The following VPS35L variants were observed in gnomAD, a reference collection of about 807,000 sequenced individuals.
The protein encoded by VPS35L is VPS35 endosomal protein sorting factor like, also known as VPS35 endosomal protein-sorting factor-like.
In VPS35L, 83 loss-of-function variants were observed where a neutral mutation model predicts 133.0. The ratio of observed to expected loss-of-function variants is 0.62; its 90% CI spans 0.52 to 0.75. VPS35L has a LOEUF of 0.75. VPS35L is among the 30% of genes least tolerant of loss of function. VPS35L has a pLI of 0.00. For missense variants in VPS35L, 1,083 were observed against 1,206.8 expected, an observed-to-expected ratio of 0.90 and a Z score of 1.52; for synonymous variants, 423 against 449.9, an observed-to-expected ratio of 0.94 and a Z score of 0.76.
chr16:19,699,400 A>T lies in VPS35L; in HGVS notation c.2647-102A>T. 6 of 1,421,180 alleles carry T rather than the reference A, an allele frequency of 4.2e-6. No individual in the cohort carries two copies. The highest frequency in any genetic ancestry group is 4.8e-6 in the Non-Finnish European group (5 of 1,043,454). 88.0% of individuals were successfully genotyped at this position (1,421,180 alleles called of 1,614,324 possible). ...AATACATGGCAGAGCTGGCACTGGA[A>T]CTCAGGCATGACCTACCCCAGAGTC... On this transcript the variant is annotated intron_variant, in intron 29 of 30. Transcript: ENST00000417362. This position sits in a 1 kb window ranked among gnomAD's most constrained non-coding sequence, Gnocchi z 4.2.
intron 26 of VPS35L, among the ~76,000 whole-genome samples, chr16:19,653,297 C>T (rs1346473132): frequency 2.6e-5 from 4 of 152,202 alleles, no homozygotes; most frequent in African/African-American, 9.7e-5. Flanking sequence ...AGGTTAGCAA[C>T]AGGGTACCCA....
At chr16:19,559,902 G>C (rs1252264765) in intron 1 of VPS35L, among the ~76,000 whole-genome samples, 1 of 151,976 alleles carries the variant, frequency 6.6e-6, no homozygotes, top group South Asian at 2.1e-4. Context: ...TGGCCAGGCT[G>C]GTCTCGAACT....
chr16:19,656,699 G>C (rs1264080151), intron 26 of VPS35L, among the ~76,000 whole-genome samples: 1 of 151,998 alleles, frequency 6.6e-6, no homozygotes, highest in Non-Finnish European at 1.5e-5. Flanking sequence ...TGCTTAGTAA[G>C]TATTATCTTA....
At chr16:19,576,013 A>G (rs1971523189) in intron 5 of VPS35L, among the ~76,000 whole-genome samples, 1 of 147,996 alleles carries the variant, frequency 6.8e-6, no homozygotes, top group African/African-American at 2.5e-5. Flanking sequence ...AAAAAAAAAA[A>G]AAATTAGCCA....
In VPS35L at chr16:19,684,234, TC is replaced by T. The variant is rs1395800419; in HGVS notation, c.2527+1846del. Among the ~76,000 whole-genome samples, 15 of 152,172 alleles carry T rather than the reference TC, an allele frequency of 9.9e-5. 1 individual carries two copies. The highest frequency in any genetic ancestry group is 1.8e-4 in the Non-Finnish European group (12 of 68,032). On this transcript the variant is annotated intron_variant, in intron 28 of 30. Transcript: ENST00000417362. ...TGGACTTACCACAGGACATCCCAGT[TC>T]CAGGCCTTTTCCCACTGAGCCCAAG... is the stretch of plus-strand genomic sequence containing the variant.
chr16:19,682,787 G>A (rs1975333270), intron 28 of VPS35L, among the ~76,000 whole-genome samples: 1 of 152,154 alleles, frequency 6.6e-6, no homozygotes, highest in African/African-American at 2.4e-5. Flanking sequence ...GCTTGAACCT[G>A]GGAGGCAGAG....
At chr16:19,599,437 T>C (rs1391817018) in intron 8 of VPS35L, among the ~76,000 whole-genome samples, 1 of 152,174 alleles carries the variant, frequency 6.6e-6, no homozygotes, top group Non-Finnish European at 1.5e-5. Flanking sequence ...GACCCACTGG[T>C]GTCTGCCTAA....
Position 19,700,794 on chromosome 16 carries a change from TCTC to T in VPS35L, c.*319_*321del, listed in dbSNP as rs1976105974. On this transcript the variant is annotated 3_prime_UTR_variant, in exon 31 of 31. Coordinates refer to ENST00000417362, the MANE Select transcript of VPS35L (RefSeq NM_020314.7). ...ACAAGAATGCAAGTAACATCTTTCT[TCTC>T]TGGAAGGTGTTTGTTTTTTCATAGT... is the stretch of plus-strand genomic sequence containing the variant. 1.0e-5 allele frequency: 3 copies of T among 286,182 alleles called. No individual in the cohort carries two copies. The East Asian group carries it at 1.9e-4, about 18-fold the overall frequency. The allele number at this position is 286,182 out of a possible 1,614,324, so 17.7% of individuals were successfully genotyped here.
intron 27 of VPS35L, among the ~76,000 whole-genome samples, chr16:19,680,823 C>T (rs1255099274): frequency 1.3e-5 from 2 of 152,000 alleles, no homozygotes; most frequent in Non-Finnish European, 2.9e-5. Context: ...GGTGGAAGAT[C>T]GCTTGAGCTC....
chr16:19,584,012 C>T (rs1597328652), intron 7 of VPS35L, among the ~76,000 whole-genome samples: 1 of 152,144 alleles, frequency 6.6e-6, no homozygotes, highest in Non-Finnish European at 1.5e-5. Flanking sequence ...CTTCCAGGGT[C>T]ATTCGTGTTG....
chr16:19,608,107 A>G lies in VPS35L; in HGVS notation c.785-71A>G, dbSNP rs1452010927. On this transcript the variant is annotated intron_variant, in intron 9 of 30. Transcript: ENST00000417362. ...CCCCTTTTCTGCTCCAGGGTAATGTATTCCCATCCAGGGACTCACACAGAT... is the reference window on the plus strand; with the variant it reads ...CCCCTTTTCTGCTCCAGGGTAATGTGTTCCCATCCAGGGACTCACACAGAT... 2.6e-6 allele frequency: 3 copies of G among 1,132,192 alleles called. No individual in the cohort carries two copies. The East Asian group carries it at 7.0e-5, about 27-fold the overall frequency. 70.1% of individuals were successfully genotyped at this position (1,132,192 alleles called of 1,614,324 possible).
Position 19,578,336 on chromosome 16 carries a change from C to T in VPS35L, c.434-716C>T, listed in dbSNP as rs111563877. The T allele has an allele frequency of 3.5e-3, 1,559 of 444,838 alleles. 25 individuals carry two copies. The highest frequency in any genetic ancestry group is 0.029 in the African/African-American group (1,403 of 48,160). 27.6% of individuals were successfully genotyped at this position (444,838 alleles called of 1,614,324 possible). A position where few individuals can be genotyped will look rare whatever the true frequency, so the allele number is the denominator to read the frequency against. ...TTACAGTGAGCCGAGATCGCGCCAC[C>T]GCACTCCAGCGTGGACGACAGAGTA... On this transcript the variant is annotated intron_variant, in intron 5 of 30. Transcript: ENST00000417362.
In VPS35L at chr16:19,628,712, A is replaced by C. The variant is rs936975418; in HGVS notation, c.1459A>C (p.Asn487His). The change falls in exon 17 of 31, where the codon AAC becomes CAC. Residue 487 changes from asparagine (N) to histidine (H), a missense_variant. By Grantham distance (68) the Asn-to-His change is moderately conservative. Coordinates refer to ENST00000417362, the MANE Select transcript of VPS35L (RefSeq NM_020314.7). ...TGAGAGTGACCGACTTCAGATTCTCAACGAAGCTTGGAAAGTCATCACTAA... is the reference window on the plus strand; with the variant it reads ...TGAGAGTGACCGACTTCAGATTCTCCACGAAGCTTGGAAAGTCATCACTAA... The part of the protein sequence containing the change: ...PPESDRLQIL[N>H]EAWKVITKLK... 1.3e-5 allele frequency: 20 copies of C among 1,596,420 alleles called. No individual in the cohort carries two copies. Among genetic ancestry groups the C allele is most frequent in the African/African-American group, 2.7e-5 (2 of 74,230 alleles).
intron 26 of VPS35L, among the ~76,000 whole-genome samples, chr16:19,662,895 A>G (rs1362489525): frequency 6.6e-6 from 1 of 152,122 alleles, no homozygotes; most frequent in Non-Finnish European, 1.5e-5. Flanking sequence ...AGGGTGAGGC[A>G]GGTGAATTGC....
chr16:19,689,018 G>A (rs1022107430), intron 28 of VPS35L, among the ~76,000 whole-genome samples: 10 of 150,908 alleles, frequency 6.6e-5, no homozygotes, highest in African/African-American at 1.2e-4. Context: ...TACGCGTAGC[G>A]CCCCCTTACC....
At chr16:19,629,518 A>G (rs1051295217) in intron 17 of VPS35L, among the ~76,000 whole-genome samples, 4 of 152,322 alleles carry the variant, frequency 2.6e-5, no homozygotes, top group Admixed American at 1.3e-4. Context: ...AACATTACAG[A>G]TATTTGAAAC....
At chr16:19,643,287 A>C (rs751145386) in intron 22 of VPS35L, among the ~76,000 whole-genome samples, 1 of 152,206 alleles carries the variant, frequency 6.6e-6, no homozygotes, top group Non-Finnish European at 1.5e-5. Context: ...CCAGAAAGGC[A>C]CTTAGATTCG....
intron 5 of VPS35L, among the ~76,000 whole-genome samples, chr16:19,576,535 G>T (rs1361965586): frequency 2.6e-5 from 4 of 152,108 alleles, no homozygotes; most frequent in Non-Finnish European, 1.5e-5. Context: ...CTTGCAGGAT[G>T]GGACCCCAGA....
intron 27 of VPS35L, among the ~76,000 whole-genome samples, chr16:19,677,426 G>T (rs939629925): frequency 6.6e-6 from 1 of 152,154 alleles, no homozygotes; most frequent in Non-Finnish European, 1.5e-5. Context: ...CAGAGCTCCA[G>T]ATTTGGGGGA....
Sources: allele counts gnomAD v4.1 joint callset (sites outside exome capture counted in the v4.1 genomes callset), GRCh38; gene constraint gnomAD v4.1.1; non-coding constraint Gnocchi (gnomAD v3.1); transcripts MANE v1.5; gene names NCBI Gene and HGNC (gene_info 2026-07-23, HGNC 2026-07-21).